The following PSD3 variants were observed in gnomAD, a reference collection of about 807,000 sequenced individuals.
PSD3 encodes the protein pleckstrin and Sec7 domain containing 3, also known as PH and SEC7 domain-containing protein 3.
A neutral mutation model predicts 105.5 loss-of-function variants in PSD3; 49 were observed. The observed-to-expected ratio is 0.46, with a 90% CI of 0.37 to 0.59. The LOEUF (loss-of-function observed/expected upper bound fraction) is 0.59. Ranked by LOEUF, PSD3 falls within the 20% of genes least tolerant of loss-of-function variation. The pLI is 0.00. For missense variants in PSD3, 1,561 were observed against 1,263.8 expected (o/e 1.24, Z -3.57); for synonymous variants, 557 against 457.8 (o/e 1.22, Z -2.77).
intron 10 of PSD3, among the ~76,000 whole-genome samples, chr8:18,641,513 G>A (rs565942200): frequency 4.6e-4 from 70 of 152,302 alleles, no homozygotes; most frequent in South Asian, 4.1e-3. Flanking sequence ...CAGAGAGGAG[G>A]GAAGAGTCTG....
At chr8:18,966,140 A>G (rs1824229349) in intron 1 of PSD3, among the ~76,000 whole-genome samples, 1 of 152,232 alleles carries the variant, frequency 6.6e-6, no homozygotes, top group Admixed American at 6.5e-5. Context: ...AGTTGACTAT[A>G]CCAGGCTATT....
At chr8:19,052,783 T>C (rs1828578275) in intron 1 of PSD3, among the ~76,000 whole-genome samples, 1 of 120,212 alleles carries the variant, frequency 8.3e-6, no homozygotes, top group South Asian at 3.2e-4. Context: ...CCCCCTAAGC[T>C]GTGGGTGGGT....
intron 1 of PSD3, among the ~76,000 whole-genome samples, chr8:19,023,052 C>T (rs143053377): frequency 2.6e-5 from 4 of 152,084 alleles, no homozygotes; most frequent in Non-Finnish European, 5.9e-5. Flanking sequence ...TATATGTGCT[C>T]ATAGGATATC....
At chr8:18,754,149 C>T (rs74722984) in intron 9 of PSD3, among the ~76,000 whole-genome samples, 2,687 of 152,234 alleles carry the variant, frequency 0.018, 137 homozygotes, top group East Asian at 0.17. Flanking sequence ...TTTGGGAAGC[C>T]GAGGTGGGTG....
rs185080893 is a variant in PSD3, at chr8:18,719,422, C to T, written c.2172+46027G>A. ...AATTTTCTCAAGCCACATACACAAC[C>T]CTGGCAGAAGCAAAAGACAGGTCAA... On this transcript the variant is annotated intron_variant, in intron 9 of 15. Transcript: ENST00000327040. Among the ~76,000 whole-genome samples the T allele has an allele frequency of 4.2e-3, 642 of 152,220 alleles. 6 individuals carry two copies. The highest frequency in any genetic ancestry group is 0.014 in the African/African-American group (579 of 41,524).
intron 2 of PSD3, among the ~76,000 whole-genome samples, chr8:18,918,562 G>C (rs1183564345): frequency 6.6e-6 from 1 of 152,162 alleles, no homozygotes; most frequent in Non-Finnish European, 1.5e-5. Flanking sequence ...ATACTTCCAG[G>C]AATGTACTGA....
chr8:18,917,594 T>A (rs968213877), intron 2 of PSD3, among the ~76,000 whole-genome samples: 1 of 152,240 alleles, frequency 6.6e-6, no homozygotes, highest in African/African-American at 2.4e-5. Flanking sequence ...CCTATATGTT[T>A]CGCTTGAAGT....
chr8:18,867,628 C>T (rs773763726), intron 4 of PSD3, 46 bp downstream of exon 4: 13 of 1,533,858 alleles, frequency 8.5e-6, no homozygotes, highest in African/African-American at 1.4e-5. Context: ...GAAAAGAAAT[C>T]CTACAAAAAC....
chr8:18,879,064 A>G (rs1817925670), intron 2 of PSD3, among the ~76,000 whole-genome samples: 1 of 150,340 alleles, frequency 6.7e-6, no homozygotes, highest in Non-Finnish European at 1.5e-5. Context: ...ACACACACAC[A>G]CACACACACA....
chr8:18,832,785 G>A (rs1813782217), intron 4 of PSD3, among the ~76,000 whole-genome samples: 2 of 152,218 alleles, frequency 1.3e-5, no homozygotes, highest in Admixed American at 1.3e-4. Context: ...AGGCAAAAGA[G>A]CAGGTGCAGG....
intron 4 of PSD3, among the ~76,000 whole-genome samples, chr8:18,821,716 C>CACACACACACACAA (rs1812732581): frequency 7.0e-6 from 1 of 143,280 alleles, no homozygotes; most frequent in Admixed American, 7.3e-5. Context: ...CACACACACA[C>CACACACACACACAA]ACCCCAATAA....
At chr8:18,915,009 C>T (rs1223463206) in intron 2 of PSD3, among the ~76,000 whole-genome samples, 1 of 151,370 alleles carries the variant, frequency 6.6e-6, no homozygotes, top group Non-Finnish European at 1.5e-5. Context: ...AGACCTAAAC[C>T]AATGGAACAG....
chr8:18,784,206 C>T (rs1033296196), intron 8 of PSD3, among the ~76,000 whole-genome samples: 7 of 152,056 alleles, frequency 4.6e-5, no homozygotes, highest in Non-Finnish European at 1.0e-4. Flanking sequence ...AAGTCTATTT[C>T]CTTGTTGATA....
At chr8:18,616,522 A>G (rs1805678137) in intron 11 of PSD3, among the ~76,000 whole-genome samples, 1 of 151,578 alleles carries the variant, frequency 6.6e-6, no homozygotes, top group Non-Finnish European at 1.5e-5. Flanking sequence ...TTCACCATCT[A>G]TTCTCGCTCT....
At chr8:18,639,930 C>A (rs1249180818) in intron 10 of PSD3, among the ~76,000 whole-genome samples, 1 of 152,162 alleles carries the variant, frequency 6.6e-6, no homozygotes, top group Non-Finnish European at 1.5e-5. Context: ...CCTGAATAAG[C>A]TGCAGCATCT....
intron 14 of PSD3, among the ~76,000 whole-genome samples, chr8:18,560,013 G>A (rs1452750029): frequency 6.6e-6 from 1 of 152,170 alleles, no homozygotes; most frequent in Admixed American, 6.6e-5. Flanking sequence ...TAAGGCAGGA[G>A]TCAATAAAGT....
intron 11 of PSD3, among the ~76,000 whole-genome samples, chr8:18,623,950 G>A (rs950436431): frequency 2.6e-5 from 4 of 151,992 alleles, no homozygotes; most frequent in African/African-American, 9.7e-5. Context: ...ATTACCACTG[G>A]TGAGATTCCT....
At chr8:18,596,222 A>G (rs1804085147) in intron 12 of PSD3, among the ~76,000 whole-genome samples, 1 of 152,020 alleles carries the variant, frequency 6.6e-6, no homozygotes, top group African/African-American at 2.4e-5. Context: ...TGGACAAACA[A>G]TATGCCAAAA....
intron 9 of PSD3, among the ~76,000 whole-genome samples, chr8:18,741,131 G>C (rs905481740): frequency 1.3e-5 from 2 of 152,196 alleles, no homozygotes; most frequent in African/African-American, 4.8e-5. Flanking sequence ...CTGAGTAAGA[G>C]GGAGATGAGA....
Sources: allele counts gnomAD v4.1 joint callset (sites outside exome capture counted in the v4.1 genomes callset), GRCh38; gene constraint gnomAD v4.1.1; transcripts MANE v1.5; gene names NCBI Gene and HGNC (gene_info 2026-07-23, HGNC 2026-07-21).